The following DOCK5 variants were observed in gnomAD, a reference collection of about 807,000 sequenced individuals.
The protein encoded by DOCK5 is dedicator of cytokinesis protein 5.
A neutral mutation model predicts 251.8 loss-of-function variants in DOCK5; 142 were observed. The observed-to-expected ratio is 0.56, with a 90% CI of 0.49 to 0.65. DOCK5 has a LOEUF of 0.65. DOCK5 is among the 30% of genes least tolerant of loss of function. The pLI, the probability that DOCK5 is intolerant of heterozygous loss-of-function variation, is 0.00. For missense variants in DOCK5, 2,111 were observed against 2,312.3 expected, an observed-to-expected ratio of 0.91 and a Z score of 1.79; for synonymous variants, 842 against 835.5, an observed-to-expected ratio of 1.01 and a Z score of -0.13.
chr8:25,192,627 T>C (rs1801612504), intron 1 of DOCK5, among the ~76,000 whole-genome samples: 1 of 152,188 alleles, frequency 6.6e-6, no homozygotes, highest in Non-Finnish European at 1.5e-5. Flanking sequence ...CACCTCAGCC[T>C]CTGGAATAGC....
chr8:25,301,702 C>CA (rs5890221), intron 9 of DOCK5, among the ~76,000 whole-genome samples: 14,896 of 136,746 alleles, frequency 0.11, 779 homozygotes, highest in Admixed American at 0.17. Context: ...GAGACCTTGT[C>CA]AAAAAAAAAA....
At chr8:25,356,021 T>A (rs1409175223) in intron 27 of DOCK5, among the ~76,000 whole-genome samples, 3 of 128,030 alleles carry the variant, frequency 2.3e-5, no homozygotes, top group African/African-American at 5.6e-5. Flanking sequence ...TGAAACCCCG[T>A]CTCTATTAAA....
rs150059142 is a variant in DOCK5 at position 25,260,213 on chromosome 8, C to G, written c.128-8632C>G. Reference sequence around the variant, plus strand: ...ACAGGATATGCCCGTGGAAACCTGACGAGCTTACCTGGCCCACAGGGGATG... The same window carrying G: ...ACAGGATATGCCCGTGGAAACCTGAGGAGCTTACCTGGCCCACAGGGGATG... On this transcript the variant is annotated intron_variant, in intron 2 of 51. Coordinates refer to ENST00000276440, the MANE Select transcript of DOCK5 (RefSeq NM_024940.8). Among the ~76,000 whole-genome samples the G allele has an allele frequency of 6.5e-4, 99 of 152,308 alleles. No individual in the cohort carries two copies. The East Asian group carries it at 0.013, about 19-fold the overall frequency.
intron 2 of DOCK5, among the ~76,000 whole-genome samples, chr8:25,260,532 G>A (rs1280100646): frequency 2.6e-5 from 4 of 152,048 alleles, no homozygotes; most frequent in Admixed American, 6.5e-5. Flanking sequence ...GAAATCATGC[G>A]TCCCTCTCAG....
chr8:25,232,308 A>G (rs556148151), intron 1 of DOCK5, among the ~76,000 whole-genome samples: 39 of 121,182 alleles, frequency 3.2e-4, no homozygotes, highest in Non-Finnish European at 4.4e-4. Flanking sequence ...ATGCAATGCA[A>G]TGCAGAACAA....
At chr8:25,203,207 T>C (rs1039018646) in intron 1 of DOCK5, among the ~76,000 whole-genome samples, 3 of 152,354 alleles carry the variant, frequency 2.0e-5, no homozygotes, top group South Asian at 2.1e-4. Flanking sequence ...CTTATGTGCC[T>C]GAAAGCCTGC....
Position 25,292,300 on chromosome 8 carries a change from T to G in DOCK5, c.470+128T>G, listed in dbSNP as rs563994738. On this transcript the variant is annotated intron_variant, in intron 6 of 51. Coordinates refer to ENST00000276440, the MANE Select transcript of DOCK5 (RefSeq NM_024940.8). ...AAGAATAATGCTTACTGCTCTCATT[T>G]TGTCTTTGAAGACATTTAATTTTGT... is the stretch of plus-strand genomic sequence containing the variant. 2,772 of 1,130,364 alleles carry G rather than the reference T, an allele frequency of 2.5e-3. 9 individuals are homozygous for G. The highest frequency in any genetic ancestry group is 3.0e-3 in the Non-Finnish European group (2,497 of 831,136). The allele number at this position is 1,130,364 out of a possible 1,614,324, so 70.0% of individuals were successfully genotyped here. A position where few individuals can be genotyped will look rare whatever the true frequency, so the allele number is the denominator to read the frequency against.
At chr8:25,332,739 A>G in intron 20 of DOCK5, 47 bp downstream of exon 20, 2 of 1,396,998 alleles carry the variant, frequency 1.4e-6, no homozygotes, top group Non-Finnish European at 2.0e-6. Flanking sequence ...GCAACTTTGT[A>G]GTTTTCAATA....
At chr8:25,286,287 A>T (rs767250434) in intron 5 of DOCK5, among the ~76,000 whole-genome samples, 1 of 152,186 alleles carries the variant, frequency 6.6e-6, no homozygotes, top group Admixed American at 6.5e-5. Context: ...CTGAGTGTGC[A>T]AGCAAGTGAG....
At chr8:25,260,604 G>A (rs1803552293) in intron 2 of DOCK5, among the ~76,000 whole-genome samples, 1 of 152,084 alleles carries the variant, frequency 6.6e-6, no homozygotes, top group Non-Finnish European at 1.5e-5. Context: ...GAGTCTACAA[G>A]CATTACCATT....
rs1293166301 is a variant in DOCK5, at chr8:25,210,033, T to TATATAAAA, written c.43+25083_43+25084insTATAAAAA. On this transcript the variant is annotated intron_variant, in intron 1 of 51. Coordinates refer to ENST00000276440, the MANE Select transcript of DOCK5 (RefSeq NM_024940.8). ...TTATATATATATATATATATATATA[T>TATATAAAA]AAATGTGTGTGTGTGTGTGTGTGTG... Among the ~76,000 whole-genome samples the TATATAAAA allele has an allele frequency of 1.4e-3, 33 of 22,874 alleles. 10 individuals are homozygous for TATATAAAA. The highest frequency in any genetic ancestry group is 2.7e-3 in the African/African-American group (31 of 11,428). 15.0% of individuals were successfully genotyped at this position (22,874 alleles called of 152,430 possible).
At chr8:25,234,224 A>C (rs1802739417) in intron 1 of DOCK5, among the ~76,000 whole-genome samples, 2 of 152,194 alleles carry the variant, frequency 1.3e-5, no homozygotes, top group Non-Finnish European at 2.9e-5. Flanking sequence ...CTATCATTTA[A>C]AAGTGCTTTT....
Position 25,332,312 on chromosome 8 carries a change from G to T in DOCK5, c.1965G>T (p.Lys655Asn). 6.2e-7 allele frequency: 1 copy of T among 1,613,560 alleles called. No individual in the cohort carries two copies. The highest frequency in any genetic ancestry group is 8.5e-7 in the Non-Finnish European group (1 of 1,179,658). Reference sequence around the variant, plus strand: ...CCCAGAACATTAAACACAACCTAAAGAAGTTAATGGAAGTGGATGGAGGAG... The same window carrying T: ...CCCAGAACATTAAACACAACCTAAATAAGTTAATGGAAGTGGATGGAGGAG... The part of the protein sequence containing the change: ...SNSQNIKHNL[K>N]KLMEVDGGEI... The change falls in exon 19 of 52, where the codon AAG (lysine) becomes AAT (asparagine). Residue 655 changes from lysine (K) to asparagine (N), a missense_variant. Transcript: ENST00000276440.
At chr8:25,388,890 G>A (rs1056837835) in intron 40 of DOCK5, 2 of 564,874 alleles carry the variant, frequency 3.5e-6, no homozygotes, top group Non-Finnish European at 3.1e-6. Flanking sequence ...TTTTATGCCT[G>A]TGATTTAACT....
At chr8:25,264,927 A>G (rs1803697735) in intron 2 of DOCK5, among the ~76,000 whole-genome samples, 1 of 152,050 alleles carries the variant, frequency 6.6e-6, no homozygotes, top group African/African-American at 2.4e-5. Context: ...GAATTTCTCC[A>G]TGGCATATAA....
chr8:25,408,768 G>C (rs371540284), intron 49 of DOCK5, 34 bp from the exon 50 acceptor site: 5 of 1,611,324 alleles, frequency 3.1e-6, no homozygotes, highest in Non-Finnish European at 4.2e-6. Flanking sequence ...CTTCCTCACC[G>C]TGAAAATGTT....
chr8:25,199,182 T>G (rs1801807602), intron 1 of DOCK5, among the ~76,000 whole-genome samples: 1 of 152,188 alleles, frequency 6.6e-6, no homozygotes. Context: ...CACTGTGTTT[T>G]GCAAAGTAAA....
chr8:25,312,257 A>G (rs1296336916), intron 13 of DOCK5, among the ~76,000 whole-genome samples: 2 of 152,184 alleles, frequency 1.3e-5, no homozygotes, highest in South Asian at 4.1e-4. Context: ...AGGTTGTTTT[A>G]CTACTACAAC....
intron 13 of DOCK5, among the ~76,000 whole-genome samples, chr8:25,311,161 A>G (rs983153868): frequency 2.0e-5 from 3 of 152,140 alleles, no homozygotes; most frequent in Non-Finnish European, 4.4e-5. Context: ...ATTTAATTTT[A>G]ATCTCCATAC....
Sources: allele counts gnomAD v4.1 joint callset (sites outside exome capture counted in the v4.1 genomes callset), GRCh38; gene constraint gnomAD v4.1.1; transcripts MANE v1.5; gene names NCBI Gene and HGNC (gene_info 2026-07-23, HGNC 2026-07-21).